Variants in TAS2R13 observed in about 807,000 individuals in gnomAD.
The protein encoded by TAS2R13 is taste 2 receptor member 13, also known as taste receptor type 2 member 13.
For missense variants in TAS2R13, 384 were observed against 347.5 expected, an observed-to-expected ratio of 1.11 and a Z score of -0.84; for synonymous variants, 129 against 125.5, an observed-to-expected ratio of 1.03 and a Z score of -0.19.
rs763645850 is a variant in TAS2R13, at chr12:10,908,964, G to A, written c.335C>T (p.Ala112Val). 36 of 1,613,382 alleles carry A rather than the reference G, an allele frequency of 2.2e-5. No homozygotes were observed. The highest frequency in any genetic ancestry group is 1.3e-4 in the Admixed American group (8 of 59,926). ...GAGAAAAGCAGGGCTAGAGAAACTC[G>A]CTATTTTGAGCAAATAAAAGATGCT... ...IFSIFYLLKI[A>V]SFSSPAFLYL... Residue 112 changes from alanine to valine, a missense_variant, in exon 1 of 1, where the codon GCG (alanine) becomes GTG (valine). Physicochemically the swap from Ala to Val is moderately conservative, Grantham distance 64. Coordinates refer to ENST00000390677, the MANE Select transcript of TAS2R13 (RefSeq NM_023920.2).
chr12:10,908,313 C>T lies in TAS2R13; in HGVS notation c.*74G>A. The T allele has an allele frequency of 7.2e-7, 1 of 1,394,596 alleles. No homozygotes were observed. Among genetic ancestry groups the T allele is most frequent in the Non-Finnish European group, 9.8e-7 (1 of 1,022,592 alleles). The allele number at this position is 1,394,596 out of a possible 1,614,324, so 86.4% of individuals were successfully genotyped here. A position where few individuals can be genotyped will look rare whatever the true frequency, so the allele number is the denominator to read the frequency against. On this transcript the variant is annotated 3_prime_UTR_variant, in exon 1 of 1. Transcript: ENST00000390677. The stretch of plus-strand genomic sequence containing the variant: ...GGAAGCATAAAATATCTTTTAAACT[C>T]CTTGTAGACTCCTGTTTCTGTCTGC...
chr12:10,908,504 A>T lies in TAS2R13; in HGVS notation c.795T>A (p.Leu265=). ...GAGAGAAGACTCCAATCGTCTCACAAAGCATGTAGATCACTGTGTTCTGAT... is the reference window on the plus strand; with the variant it reads ...GAGAGAAGACTCCAATCGTCTCACATAGCATGTAGATCACTGTGTTCTGAT... ...ELYQNTVIYM[L]CETIGVFSPS... The change falls in exon 1 of 1, where the codon CTT becomes CTA. Residue 265 remains leucine, a synonymous_variant. Coordinates refer to ENST00000390677, the MANE Select transcript of TAS2R13 (RefSeq NM_023920.2). 1 of 1,613,952 alleles carries T rather than the reference A, an allele frequency of 6.2e-7. No homozygotes were observed. The highest frequency in any genetic ancestry group is 1.1e-5 in the South Asian group (1 of 91,068).
Position 10,909,280 on chromosome 12 carries a change from T to C in TAS2R13, c.19A>G (p.Ser7Gly), listed in dbSNP as rs1949859618. The change falls in exon 1 of 1, where the codon AGT (serine) becomes GGT (glycine). Residue 7 changes from serine to glycine, a missense_variant. Ser to Gly is a moderately conservative substitution (Grantham distance 56, BLOSUM62 0). Transcript: ENST00000390677. MESALP[S>G]IFTLVIIAEF... ...GCAATTATTACAAGAGTGAAGATAC[T>C]CGGCAGGGCACTTTCCATGTCAGAA... 1 of 1,612,472 alleles carries C rather than the reference T, an allele frequency of 6.2e-7. No homozygotes were observed. Among genetic ancestry groups the C allele is most frequent in the East Asian group, 2.2e-5 (1 of 44,844 alleles).
In TAS2R13 at chr12:10,909,138, G is replaced by T; in HGVS notation, c.161C>A (p.Ser54Tyr). ...VDKLLIILAI[S>Y]RIGLIWEILV... is the part of the protein sequence containing the mutation. ...TATTTCCCAGATCAGCCCAATTCTG[G>T]AGATTGCCAAGATAATGAGGAGTTT... Residue 54 changes from serine to tyrosine, a missense_variant, in exon 1 of 1, where the codon TCC becomes TAC. Ser to Tyr is a moderately radical substitution (Grantham distance 144). Transcript: ENST00000390677. 4.3e-6 allele frequency: 7 copies of T among 1,613,896 alleles called. No individual in the cohort carries two copies. Among genetic ancestry groups the T allele is most frequent in the Non-Finnish European group, 5.9e-6 (7 of 1,179,994 alleles).
At position 10,909,432 on chromosome 12, in the gene TAS2R13, T is replaced by C. The variant is rs1949862556; in HGVS notation, c.-134A>G. On this transcript the variant is annotated 5_prime_UTR_variant, in exon 1 of 1. Coordinates refer to ENST00000390677, the MANE Select transcript of TAS2R13 (RefSeq NM_023920.2). ...TTCTGCTCCTTCTTTCATTGTTGGC[T>C]CAACGTCAAAGCAGAAATCTCTAAA... 1 of 642,096 alleles carries C rather than the reference T, an allele frequency of 1.6e-6. No individual in the cohort carries two copies. The highest frequency in any genetic ancestry group is 2.7e-6 in the Non-Finnish European group (1 of 367,524). 39.8% of individuals were successfully genotyped at this position (642,096 alleles called of 1,614,324 possible). A position where few individuals can be genotyped will look rare whatever the true frequency, so the allele number is the denominator to read the frequency against.
Position 10,908,497 on chromosome 12 carries a change from T to C in TAS2R13, c.802A>G (p.Thr268Ala), listed in dbSNP as rs1949839772. 2.5e-6 allele frequency: 4 copies of C among 1,613,886 alleles called. No individual in the cohort carries two copies. The highest frequency in any genetic ancestry group is 3.4e-6 in the Non-Finnish European group (4 of 1,179,922). Residue 268 changes from threonine (T) to alanine (A), a missense_variant, in exon 1 of 1, where the codon ACG becomes GCG. Thr to Ala is a moderately conservative substitution (Grantham distance 58). Coordinates refer to ENST00000390677, the MANE Select transcript of TAS2R13 (RefSeq NM_023920.2). ...QNTVIYMLCE[T>A]IGVFSPSSHS... is the part of the protein sequence containing the mutation. ...CTTGAAGGAGAGAAGACTCCAATCG[T>C]CTCACAAAGCATGTAGATCACTGTG...
Position 10,908,402 on chromosome 12 carries a change from T to C in TAS2R13, c.897A>G (p.Val299=). 3 of 1,612,506 alleles carry C rather than the reference T, an allele frequency of 1.9e-6. No individual in the cohort carries two copies. The highest frequency in any genetic ancestry group is 2.5e-6 in the Non-Finnish European group (3 of 1,179,564). ...RQAFLLVAAK[V]WAKR ...TGTGAGTTTCTCATCGTTTAGCCCA[T>C]ACCTTAGCTGCCACCAAAAGAAAGG... is the stretch of plus-strand genomic sequence containing the variant. The change falls in exon 1 of 1, where the codon GTA becomes GTG. Residue 299 remains valine, a synonymous_variant. Transcript: ENST00000390677.
At position 10,908,858 on chromosome 12, in the gene TAS2R13, T is replaced by A; in HGVS notation, c.441A>T (p.Gln147His). 6.2e-7 allele frequency: 1 copy of A among 1,613,310 alleles called. No homozygotes were observed. The highest frequency in any genetic ancestry group is 1.7e-4 in the Middle Eastern group (1 of 6,058). Residue 147 changes from glutamine to histidine, a missense_variant, in exon 1 of 1, where the codon CAA (glutamine) becomes CAT (histidine). Gln to His is a conservative substitution (Grantham distance 24). Transcript: ENST00000390677. ...GCCAGTCTTTTATATGCATGTTTAT[T>A]TGTATCAGATTTAAAAATAAGAAGA... The part of the protein sequence containing the change: ...TLVFLFLNLI[Q>H]INMHIKDWLD...
rs751826901 is a variant in TAS2R13 at position 10,908,708 on chromosome 12, A to G, written c.591T>C (p.Ser197=). Residue 197 remains serine (S), a synonymous_variant, in exon 1 of 1, where the codon TCT becomes TCC. Transcript: ENST00000390677. Reference sequence around the variant, plus strand: ...GCAGGGAGAAAATTAACAGGAGAAAAGAGATGAAGGCCACAGTAAATGGTG... The same window carrying G: ...GCAGGGAGAAAATTAACAGGAGAAAGGAGATGAAGGCCACAGTAAATGGTG... ...SLTPFTVAFI[S]FLLLIFSLQK... The G allele has an allele frequency of 6.2e-7, 1 of 1,613,860 alleles. No homozygotes were observed. The highest frequency in any genetic ancestry group is 8.5e-7 in the Non-Finnish European group (1 of 1,179,892).
Position 10,908,279 on chromosome 12 carries a change from G to A in TAS2R13, c.*108C>T. The A allele has an allele frequency of 1.9e-6, 2 of 1,053,278 alleles. No homozygotes were observed. Among genetic ancestry groups the A allele is most frequent in the Non-Finnish European group, 2.7e-6 (2 of 734,956 alleles). 65.2% of individuals were successfully genotyped at this position (1,053,278 alleles called of 1,614,324 possible). ...ATTTACAGTGACCTTCACAATAAAA[G>A]AAACCAGGGGAAGCATAAAATATCT... On this transcript the variant is annotated 3_prime_UTR_variant, in exon 1 of 1. Coordinates refer to ENST00000390677, the MANE Select transcript of TAS2R13 (RefSeq NM_023920.2).
In TAS2R13 at chr12:10,908,436, A is replaced by G. The variant is rs769332137; in HGVS notation, c.863T>C (p.Leu288Ser). The change falls in exon 1 of 1, where the codon TTA (leucine) becomes TCA (serine). Residue 288 changes from leucine to serine, a missense_variant. By Grantham distance (145) the Leu-to-Ser change is moderately radical. Transcript: ENST00000390677. ...SFLLILGNAKLRQAFLLVAAK... is the reference protein window; with the variant it reads ...SFLLILGNAKSRQAFLLVAAK... ...TGCCACCAAAAGAAAGGCCTGTCTTAACTTAGCGTTTCCTAGAATCAGAAG... is the reference window on the plus strand; with the variant it reads ...TGCCACCAAAAGAAAGGCCTGTCTTGACTTAGCGTTTCCTAGAATCAGAAG... The G allele has an allele frequency of 1.2e-6, 2 of 1,613,680 alleles. No homozygotes were observed. Among genetic ancestry groups the G allele is most frequent in the South Asian group, 1.1e-5 (1 of 91,062 alleles).
rs1236714636 is a variant in TAS2R13, at chr12:10,909,444, C to G, written c.-146G>C. 2 of 617,384 alleles carry G rather than the reference C, an allele frequency of 3.2e-6. No individual in the cohort carries two copies. The highest frequency in any genetic ancestry group is 5.8e-6 in the Non-Finnish European group (2 of 347,164). The allele number at this position is 617,384 out of a possible 1,614,324, so 38.2% of individuals were successfully genotyped here. ...TTTCATTGTTGGCTCAACGTCAAAG[C>G]AGAAATCTCTAAAGTTTGCTGATCG... On this transcript the variant is annotated 5_prime_UTR_variant, in exon 1 of 1. Transcript: ENST00000390677.
Position 10,909,049 on chromosome 12 carries a change from T to C in TAS2R13, c.250A>G (p.Ile84Val), listed in dbSNP as rs761474789. 34 of 1,613,518 alleles carry C rather than the reference T, an allele frequency of 2.1e-5. 1 individual carries two copies. The Admixed American group carries it at 2.3e-4, about 11-fold the overall frequency. Residue 84 changes from isoleucine (I) to valine (V), a missense_variant, in exon 1 of 1, where the codon ATT becomes GTT. By Grantham distance (29) the Ile-to-Val change is conservative. Transcript: ENST00000390677. ...AIFVSGTGLR[I>V]MIFSWIVSNH... ...GAAACTATCCAGCTAAAAATCATAA[T>C]TCTTAATCCTGTTCCAGACACAAAT...
In TAS2R13 at chr12:10,908,466, G is replaced by A. The variant is rs370341557; in HGVS notation, c.833C>T (p.Ser278Phe). 1.2e-6 allele frequency: 2 copies of A among 1,613,768 alleles called. No homozygotes were observed. The highest frequency in any genetic ancestry group is 2.7e-5 in the African/African-American group (2 of 74,890). ...AGCGTTTCCTAGAATCAGAAGAAAG[G>A]AGTGGCTTGAAGGAGAGAAGACTCC... The part of the protein sequence containing the change: ...TIGVFSPSSH[S>F]FLLILGNAKL... Residue 278 changes from serine (S) to phenylalanine (F), a missense_variant, in exon 1 of 1, where the codon TCC becomes TTC. By Grantham distance (155) the Ser-to-Phe change is radical. Coordinates refer to ENST00000390677, the MANE Select transcript of TAS2R13 (RefSeq NM_023920.2).
At position 10,909,122 on chromosome 12, in the gene TAS2R13, G is replaced by T. The variant is rs781585605; in HGVS notation, c.177C>A (p.Ile59=). ...IILAISRIGL[I]WEILVSWFLA... is the part of the protein sequence containing the mutation. ...AAAACCAACTTACTAATATTTCCCAGATCAGCCCAATTCTGGAGATTGCCA... is the reference window on the plus strand; with the variant it reads ...AAAACCAACTTACTAATATTTCCCATATCAGCCCAATTCTGGAGATTGCCA... Residue 59 remains isoleucine (I), a synonymous_variant, in exon 1 of 1, where the codon ATC becomes ATA. Coordinates refer to ENST00000390677, the MANE Select transcript of TAS2R13 (RefSeq NM_023920.2). 3.1e-6 allele frequency: 5 copies of T among 1,613,804 alleles called. No individual in the cohort carries two copies. The highest frequency in any genetic ancestry group is 2.2e-5 in the South Asian group (2 of 91,076).
chr12:10,908,728 A>G lies in TAS2R13; in HGVS notation c.571T>C (p.Phe191Leu). 1 of 1,613,834 alleles carries G rather than the reference A, an allele frequency of 6.2e-7. No individual in the cohort carries two copies. Among genetic ancestry groups the G allele is most frequent in the Non-Finnish European group, 8.5e-7 (1 of 1,179,862 alleles). ...AGAAAAGAGATGAAGGCCACAGTAA[A>G]TGGTGTTAGACTGAACATAGTCATA... Reference protein sequence around the residue: ...FTMTMFSLTPFTVAFISFLLL... With the variant: ...FTMTMFSLTPLTVAFISFLLL... Residue 191 changes from phenylalanine (F) to leucine (L), a missense_variant, in exon 1 of 1, where the codon TTT becomes CTT. Coordinates refer to ENST00000390677, the MANE Select transcript of TAS2R13 (RefSeq NM_023920.2).
chr12:10,909,034 A>G lies in TAS2R13; in HGVS notation c.265T>C (p.Trp89Arg), dbSNP rs777062213. 1 of 1,613,714 alleles carries G rather than the reference A, an allele frequency of 6.2e-7. No homozygotes were observed. Among genetic ancestry groups the G allele is most frequent in the Non-Finnish European group, 8.5e-7 (1 of 1,179,952 alleles). ...GTGLRIMIFS[W>R]IVSNHFNLWL... The stretch of plus-strand genomic sequence containing the variant: ...AGATTGAAGTGATTAGAAACTATCC[A>G]GCTAAAAATCATAATTCTTAATCCT... Residue 89 changes from tryptophan (W) to arginine (R), a missense_variant, in exon 1 of 1, where the codon TGG becomes CGG. Coordinates refer to ENST00000390677, the MANE Select transcript of TAS2R13 (RefSeq NM_023920.2).
At chr12:10,908,709 GA>G in the TAS2R13 span, 4 of 1,613,874 alleles carry the variant, frequency 2.5e-6, no homozygotes, top group Non-Finnish European at 3.4e-6. Flanking sequence ...CAGGAGAAAA[GA>G]GATGAAGGCC....
Position 10,909,256 on chromosome 12 carries a change from C to T in TAS2R13, c.43G>A (p.Ala15Thr). ...CTCAAATTCCCAATTATGAATTCTGCAATTATTACAAGAGTGAAGATACTC... is the reference window on the plus strand; with the variant it reads ...CTCAAATTCCCAATTATGAATTCTGTAATTATTACAAGAGTGAAGATACTC... ...LPSIFTLVII[A>T]EFIIGNLSNG... The change falls in exon 1 of 1, where the codon GCA becomes ACA. Residue 15 changes from alanine to threonine, a missense_variant. By Grantham distance (58) the Ala-to-Thr change is moderately conservative. Transcript: ENST00000390677. The T allele has an allele frequency of 1.9e-6, 3 of 1,613,610 alleles. No individual in the cohort carries two copies. The South Asian group carries it at 3.3e-5, about 18-fold the overall frequency.
Sources: gnomAD v4.1 joint callset for allele counts on GRCh38, gnomAD v4.1.1 for gene constraint, MANE v1.5 for transcripts, NCBI Gene and HGNC (gene_info 2026-07-23, HGNC 2026-07-21) for gene names.